Variants in ZBTB26 observed in about 807,000 individuals in gnomAD.
The protein encoded by ZBTB26 is zinc finger and BTB domain containing 26, also known as zinc finger and BTB domain-containing protein 26.
Under a neutral mutation model 31.6 loss-of-function variants are expected in ZBTB26, and 12 were observed. That is an observed-to-expected ratio of 0.38 (90% CI 0.24 to 0.61). The LOEUF (loss-of-function observed/expected upper bound fraction) is 0.61, where lower values mean the gene tolerates loss of function less well. ZBTB26 is among the 20% of genes least tolerant of loss of function. The probability of loss-of-function intolerance (pLI) is 0.60; values close to 1 mark genes in which losing one functional copy is unlikely to be tolerated. For missense variants in ZBTB26, 311 were observed against 521.9 expected (o/e 0.60, Z 3.94); for synonymous variants, 155 against 182.9 (o/e 0.85, Z 1.23).
intron 1 of ZBTB26, among the ~76,000 whole-genome samples, chr9:122,920,303 C>T (rs1833076741): frequency 6.6e-6 from 1 of 152,146 alleles, no homozygotes; most frequent in Non-Finnish European, 1.5e-5. Flanking sequence ...TAAAACATAA[C>T]CCACACAAGT....
intron 1 of ZBTB26, among the ~76,000 whole-genome samples, chr9:122,920,539 C>G (rs1194614539): frequency 6.6e-6 from 1 of 152,210 alleles, no homozygotes; most frequent in Non-Finnish European, 1.5e-5. Flanking sequence ...CACTGCTTGT[C>G]CAATTCCTGG....
intron 1 of ZBTB26, among the ~76,000 whole-genome samples, chr9:122,921,791 C>T (rs975110257): frequency 3.3e-5 from 5 of 152,236 alleles, no homozygotes; most frequent in South Asian, 2.1e-4. Flanking sequence ...ATTAGCTGGG[C>T]GTAGTGGCAC....
chr9:122,923,041 C>T (rs558011923), intron 1 of ZBTB26, among the ~76,000 whole-genome samples: 2 of 151,844 alleles, frequency 1.3e-5, no homozygotes, highest in South Asian at 2.1e-4. Flanking sequence ...AAAAATTACC[C>T]GGCATGGTGG....
intron 1 of ZBTB26, chr9:122,930,932 A>G (rs1395751815): frequency 6.6e-6 from 1 of 152,232 alleles, no homozygotes; most frequent in Non-Finnish European, 1.5e-5. Context: ...CTGGCTCCCA[A>G]ACTTAATCCC....
chr9:122,921,451 G>A (rs1288344615), intron 1 of ZBTB26, among the ~76,000 whole-genome samples: 2 of 152,208 alleles, frequency 1.3e-5, no homozygotes, highest in African/African-American at 4.8e-5. Flanking sequence ...AGAGTCAGAT[G>A]AGACAACCAG....
chr9:122,928,839 T>A (rs1430018266), intron 1 of ZBTB26, among the ~76,000 whole-genome samples: 1 of 152,192 alleles, frequency 6.6e-6, no homozygotes, highest in Non-Finnish European at 1.5e-5. Flanking sequence ...GCCAAAAAAA[T>A]TTCTTATGGA....
rs746104950 is a variant in ZBTB26, at chr9:122,919,683, C to T, written c.252G>A (p.Leu84=). 6 of 1,614,076 alleles carry T rather than the reference C, an allele frequency of 3.7e-6. No homozygotes were observed. Among genetic ancestry groups the T allele is most frequent in the Admixed American group, 3.3e-5 (2 of 59,996 alleles). The change falls in exon 2 of 2, where the codon TTG becomes TTA. Residue 84 remains leucine (L), a synonymous_variant. Coordinates refer to ENST00000373656, the MANE Select transcript of ZBTB26 (RefSeq NM_020924.4). The surrounding 1 kb of genome is among the most constrained non-coding windows in gnomAD (Gnocchi z 6.1). ...ILQSSEVGRQ[L]LLSCYSGVLE... is the part of the protein sequence containing the mutation. The stretch of plus-strand genomic sequence containing the variant: ...GCACACCACTATAACAGGATAAGAG[C>T]AATTGTCTCCCCACTTCGGAACTCT...
Position 122,916,055 on chromosome 9 carries a change from AAAG to A in ZBTB26, c.*2551_*2553del, listed in dbSNP as rs1833013544. 2 of 152,362 alleles carry A rather than the reference AAAG, an allele frequency of 1.3e-5. No individual in the cohort carries two copies. Among genetic ancestry groups the A allele is most frequent in the African/African-American group, 2.4e-5 (1 of 41,598 alleles). The allele number at this position is 152,362 out of a possible 1,614,324, so 9.4% of individuals were successfully genotyped here. ...TATAATCTAACAAACACGTATAAGC[AAAG>A]AAGGAGGAAAGTGAAGTTCCACAAA... is the stretch of plus-strand genomic sequence containing the variant. On this transcript the variant is annotated 3_prime_UTR_variant, in exon 2 of 2. Transcript: ENST00000373656.
Position 122,919,561 on chromosome 9 carries a change from T to A in ZBTB26, c.374A>T (p.Lys125Met), listed in dbSNP as rs1588129085. Residue 125 changes from lysine to methionine, a missense_variant, in exon 2 of 2, where the codon AAG becomes ATG. Lys to Met is a moderately conservative substitution (Grantham distance 95). Around this residue, in one of 5 missense-constraint regions of ZBTB26, gnomAD observed 207 missense variants for 298.6 expected, o/e 0.69. Transcript: ENST00000373656. This position sits in a 1 kb window ranked among gnomAD's most constrained non-coding sequence, Gnocchi z 6.1. ...CATTGGTTGTTTTGGCTTTATAAAC[T>A]TCCACAGGGCCTGTGTGCACCGTTC... is the stretch of plus-strand genomic sequence containing the variant. ...IVERCTQALWKFIKPKQPMDS... is the reference protein window; with the variant it reads ...IVERCTQALWMFIKPKQPMDS... 1 of 1,614,216 alleles carries A rather than the reference T, an allele frequency of 6.2e-7. No homozygotes were observed. The highest frequency in any genetic ancestry group is 8.5e-7 in the Non-Finnish European group (1 of 1,180,032).
intron 1 of ZBTB26, among the ~76,000 whole-genome samples, chr9:122,925,917 C>T (rs543898695): frequency 2.0e-5 from 3 of 152,184 alleles, no homozygotes; most frequent in South Asian, 2.1e-4. Flanking sequence ...GGCGCCACCA[C>T]GCCTGGCTAA....
At chr9:122,927,249 T>G (rs866730068) in intron 1 of ZBTB26, among the ~76,000 whole-genome samples, 1 of 152,234 alleles carries the variant, frequency 6.6e-6, no homozygotes, top group South Asian at 2.1e-4. Context: ...TTCATTTATA[T>G]TTATACAATC....
rs148963995 is a variant in ZBTB26, at chr9:122,929,800, T to C, written c.-11+1637A>G. 3.7e-4 allele frequency among the ~76,000 whole-genome samples: 57 copies of C among 152,304 alleles called. No homozygotes were observed. In the East Asian group the frequency reaches 9.6e-3, roughly 26 times the overall value. Reference sequence around the variant, plus strand: ...AAATTGCTTTTTAAAAGGTCACTAATGACCTCTTCATAAAGAAATGCAATA... The same window carrying C: ...AAATTGCTTTTTAAAAGGTCACTAACGACCTCTTCATAAAGAAATGCAATA... On this transcript the variant is annotated intron_variant, in intron 1 of 1. Transcript: ENST00000373656.
At chr9:122,924,619 C>CT (rs869184716) in intron 1 of ZBTB26, among the ~76,000 whole-genome samples, 3 of 2,322 alleles carry the variant, frequency 1.3e-3, no homozygotes, top group African/African-American at 2.0e-3. Flanking sequence ...TTTCAACTTT[C>CT]TTTTTTTTTT....
At position 122,919,269 on chromosome 9, in the gene ZBTB26, A is replaced by G; in HGVS notation, c.666T>C (p.Asn222=). The change falls in exon 2 of 2, where the codon AAT becomes AAC. Residue 222 remains asparagine, a synonymous_variant. Transcript: ENST00000373656. The surrounding 1 kb of genome is among the most constrained non-coding windows in gnomAD (Gnocchi z 6.1). ...HSSEPQHSLI[N]STVENRVSEI... Reference sequence around the variant, plus strand: ...CACTTACTCTGTTTTCCACAGTTGAATTTATCAGGGAGTGCTGGGGCTCTG... The same window carrying G: ...CACTTACTCTGTTTTCCACAGTTGAGTTTATCAGGGAGTGCTGGGGCTCTG... 1 of 1,614,198 alleles carries G rather than the reference A, an allele frequency of 6.2e-7. No homozygotes were observed. Among genetic ancestry groups the G allele is most frequent in the Admixed American group, 1.7e-5 (1 of 60,020 alleles).
chr9:122,923,715 T>C (rs992096478), intron 1 of ZBTB26, among the ~76,000 whole-genome samples: 7 of 152,262 alleles, frequency 4.6e-5, no homozygotes, highest in South Asian at 2.1e-4. Context: ...GTTCTACCTA[T>C]ATTATGACAG....
At chr9:122,930,690 G>T (rs533072029) in intron 1 of ZBTB26, among the ~76,000 whole-genome samples, 1 of 152,140 alleles carries the variant, frequency 6.6e-6, no homozygotes, top group African/African-American at 2.4e-5. Flanking sequence ...TCTGTGCATA[G>T]GAGTCCCCCC....
chr9:122,919,258 T>C lies in ZBTB26; in HGVS notation c.677A>G (p.Glu226Gly), dbSNP rs552055826. Residue 226 changes from glutamate to glycine, a missense_variant, in exon 2 of 2, where the codon GAA becomes GGA. By Grantham distance (98) the Glu-to-Gly change is moderately conservative (BLOSUM62 -2). Around this residue, in one of 5 missense-constraint regions of ZBTB26, gnomAD observed 207 missense variants for 298.6 expected, o/e 0.69. Transcript: ENST00000373656. The surrounding 1 kb of genome is among the most constrained non-coding windows in gnomAD (Gnocchi z 6.1). ...TTGTTCTATTTCACTTACTCTGTTT[T>C]CCACAGTTGAATTTATCAGGGAGTG... ...PQHSLINSTV[E>G]NRVSEIEQNH... is the part of the protein sequence containing the mutation. The C allele has an allele frequency of 1.2e-6, 2 of 1,614,234 alleles. No individual in the cohort carries two copies. The highest frequency in any genetic ancestry group is 1.3e-5 in the African/African-American group (1 of 75,060).
Position 122,918,695 on chromosome 9 carries a change from G to A in ZBTB26, c.1240C>T (p.Gln414Ter). 6.2e-7 allele frequency: 1 copy of A among 1,614,200 alleles called. No individual in the cohort carries two copies. Among genetic ancestry groups the A allele is most frequent in the South Asian group, 1.1e-5 (1 of 91,090 alleles). The change falls in exon 2 of 2, where the codon CAA becomes TAA. Residue 414 changes from glutamine (Q) to a stop codon, truncating the protein, a stop_gained. Coordinates refer to ENST00000373656, the MANE Select transcript of ZBTB26 (RefSeq NM_020924.4). LOFTEE classifies it high-confidence loss of function. The part of the protein sequence containing the change: ...TVTDSKGCQP[Q>*]PDATQVLDAG... ...TCCAGGACCTGTGTTGCATCGGGTT[G>A]TGGCTGACACCCTTTAGAGTCTGTG...
In ZBTB26 at chr9:122,918,629, C is replaced by T; in HGVS notation, c.1306G>A (p.Asp436Asn). ...LAQAVLNLRN[D>N]STCVN ...CCTACTCAATTCACACAAGTACTAT[C>T]ATTTCTTAAGTTCAGGACAGCTTGG... The change falls in exon 2 of 2, where the codon GAT becomes AAT. Residue 436 changes from aspartate to asparagine, a missense_variant. Asp to Asn is a conservative substitution (Grantham distance 23, BLOSUM62 1). This residue lies in a region of ZBTB26 where 49 missense variants were observed against 66.0 expected (regional missense o/e 0.74). Transcript: ENST00000373656. The T allele has an allele frequency of 1.2e-6, 2 of 1,613,052 alleles. No homozygotes were observed. The highest frequency in any genetic ancestry group is 1.7e-6 in the Non-Finnish European group (2 of 1,179,568).
Sources: allele counts gnomAD v4.1 joint callset (sites outside exome capture counted in the v4.1 genomes callset), GRCh38; gene constraint gnomAD v4.1.1; regional missense constraint gnomAD v4.1.1; non-coding constraint Gnocchi (gnomAD v3.1); transcripts MANE v1.5; gene names NCBI Gene and HGNC (gene_info 2026-07-23, HGNC 2026-07-21).